PRKD3: variants seen among roughly 807,000 people sequenced by gnomAD.
The protein encoded by PRKD3 is serine/threonine-protein kinase D3.
In PRKD3, 47 loss-of-function variants were observed where a neutral mutation model predicts 99.2. The ratio of observed to expected loss-of-function variants is 0.47; its 90% CI spans 0.38 to 0.60. PRKD3 has a LOEUF of 0.60. Ranked by LOEUF, PRKD3 falls within the 20% of genes least tolerant of loss-of-function variation. The pLI, the probability that PRKD3 is intolerant of heterozygous loss-of-function variation, is 0.00. For missense variants in PRKD3, 1,019 were observed against 1,088.4 expected (o/e 0.94, Z 0.90); for synonymous variants, 392 against 355.4 (o/e 1.10, Z -1.16).
intron 2 of PRKD3, among the ~76,000 whole-genome samples, chr2:37,298,517 G>C (rs376428331): frequency 6.6e-6 from 1 of 151,620 alleles, no homozygotes; most frequent in Non-Finnish European, 1.5e-5. Context: ...GTAAAATAGT[G>C]CCTACTTGCC....
intron 2 of PRKD3, among the ~76,000 whole-genome samples, chr2:37,315,279 A>T (rs776541297): frequency 2.6e-5 from 4 of 152,218 alleles, no homozygotes; most frequent in African/African-American, 9.6e-5. Context: ...ATTATTAAAG[A>T]TATTTAGCTA....
At chr2:37,260,176 A>C in intron 15 of PRKD3, 47 bp downstream of exon 15, 1 of 1,519,164 alleles carries the variant, frequency 6.6e-7, no homozygotes, top group Non-Finnish European at 9.0e-7. Context: ...AAAAAAAAAA[A>C]ATTAGTTTTT....
intron 11 of PRKD3, among the ~76,000 whole-genome samples, chr2:37,274,196 G>GA (rs1322485562): frequency 1.3e-5 from 2 of 152,096 alleles, no homozygotes; most frequent in East Asian, 3.8e-4. Context: ...TTTCATGTAG[G>GA]AAAACTGACT....
intron 7 of PRKD3, 85 bp from the exon 8 acceptor site, chr2:37,280,014 A>T: frequency 1.2e-6 from 1 of 865,034 alleles, no homozygotes; most frequent in Non-Finnish European, 1.7e-6. Flanking sequence ...GAGTCTTAAA[A>T]TGTAAGAAAA....
At chr2:37,307,116 CT>C (rs1558575227) in intron 2 of PRKD3, among the ~76,000 whole-genome samples, 1 of 152,192 alleles carries the variant, frequency 6.6e-6, no homozygotes, top group Non-Finnish European at 1.5e-5. Flanking sequence ...GGAAGCCCCC[CT>C]GCTCCAGTTG....
chr2:37,324,081 G>T, intron 1 of PRKD3: 1 of 659,798 alleles, frequency 1.5e-6, no homozygotes, highest in Non-Finnish European at 1.9e-6. Flanking sequence ...CAGTGTTTCA[G>T]CTTAAGGAAA....
chr2:37,264,438 A>G (rs922056965), intron 14 of PRKD3, among the ~76,000 whole-genome samples: 3 of 148,330 alleles, frequency 2.0e-5, no homozygotes, highest in Non-Finnish European at 3.0e-5. Context: ...GAGACAGACA[A>G]TGGGAAATAA....
At chr2:37,269,725 C>G in intron 12 of PRKD3, 38 bp from the exon 13 acceptor site, 2 of 1,380,824 alleles carry the variant, frequency 1.4e-6, no homozygotes, top group Non-Finnish European at 2.0e-6. Context: ...TTATTTATTT[C>G]TATAATACAA....
At chr2:37,288,127 T>C (rs993223824) in intron 5 of PRKD3, among the ~76,000 whole-genome samples, 1 of 152,202 alleles carries the variant, frequency 6.6e-6, no homozygotes. Flanking sequence ...TGCTATTTCC[T>C]AATCTAGTAA....
chr2:37,253,586 TA>T (rs1558517910), intron 18 of PRKD3, among the ~76,000 whole-genome samples: 1 of 152,048 alleles, frequency 6.6e-6, no homozygotes, highest in East Asian at 1.9e-4. Flanking sequence ...TTTCTGAAAT[TA>T]AAAAAAATTT....
At chr2:37,284,752 G>A (rs1670009983) in intron 6 of PRKD3, among the ~76,000 whole-genome samples, 1 of 151,950 alleles carries the variant, frequency 6.6e-6, no homozygotes, top group South Asian at 2.1e-4. Flanking sequence ...GTTCTTGTGT[G>A]CTATCATACA....
At chr2:37,315,487 G>A (rs1245270715) in intron 2 of PRKD3, among the ~76,000 whole-genome samples, 1 of 152,094 alleles carries the variant, frequency 6.6e-6, no homozygotes, top group African/African-American at 2.4e-5. Context: ...AAGATCTAAA[G>A]AGAAGGAAAT....
chr2:37,257,431 C>T (rs558850042), intron 16 of PRKD3, among the ~76,000 whole-genome samples: 1 of 151,802 alleles, frequency 6.6e-6, no homozygotes, highest in Non-Finnish European at 1.5e-5. Context: ...TTTGGGAGGC[C>T]GAGGCGGGCG....
At chr2:37,254,140 TG>T in intron 18 of PRKD3, 63 bp downstream of exon 18, 1 of 1,216,578 alleles carries the variant, frequency 8.2e-7, no homozygotes, top group Non-Finnish European at 1.2e-6. Flanking sequence ...TCTCATTAGG[TG>T]GGACAAATCA....
chr2:37,264,263 T>C (rs1169538763), intron 14 of PRKD3, among the ~76,000 whole-genome samples: 1 of 152,218 alleles, frequency 6.6e-6, no homozygotes, highest in Non-Finnish European at 1.5e-5. Flanking sequence ...AAAGTTTTTT[T>C]CAATCTAACA....
At chr2:37,299,025 A>C (rs201810133) in intron 2 of PRKD3, among the ~76,000 whole-genome samples, 1 of 70,786 alleles carries the variant, frequency 1.4e-5, no homozygotes, top group Non-Finnish European at 3.8e-5. Flanking sequence ...AAAGGCTTTC[A>C]GTTTTTTCCC....
At chr2:37,315,029 T>G (rs955983879) in intron 2 of PRKD3, among the ~76,000 whole-genome samples, 3 of 152,160 alleles carry the variant, frequency 2.0e-5, no homozygotes, top group African/African-American at 7.2e-5. Context: ...CAGAAGATAA[T>G]GAATGATAAA....
intron 17 of PRKD3, among the ~76,000 whole-genome samples, chr2:37,255,249 T>TAA (rs1273917861): frequency 6.6e-6 from 1 of 152,248 alleles, no homozygotes; most frequent in Non-Finnish European, 1.5e-5. Flanking sequence ...ATGTTGTTCT[T>TAA]AAACTTTTCC....
rs1671688593 is a variant in PRKD3 at position 37,316,865 on chromosome 2, A to C, written c.-341T>G. 1.9e-6 allele frequency: 2 copies of C among 1,050,162 alleles called. No homozygotes were observed. The highest frequency in any genetic ancestry group is 2.3e-6 in the Non-Finnish European group (2 of 871,720). The allele number at this position is 1,050,162 out of a possible 1,614,324, so 65.1% of individuals were successfully genotyped here. ...CGAATCTATTTTCCTTTCAGTCTGT[A>C]CTTGTCTCTTTAATTTCAGGAAATA... On this transcript the variant is annotated 5_prime_UTR_variant, in exon 2 of 19. Transcript: ENST00000234179.
Sources: gnomAD v4.1 joint callset for allele counts (sites outside exome capture counted in the v4.1 genomes callset) on GRCh38, gnomAD v4.1.1 for gene constraint, MANE v1.5 for transcripts, NCBI Gene and HGNC (gene_info 2026-07-23, HGNC 2026-07-21) for gene names.